The following ZNF407 variants were observed in gnomAD, a reference collection of about 807,000 sequenced individuals.
ZNF407 encodes zinc finger protein 407.
Under a neutral mutation model 131.2 loss-of-function variants are expected in ZNF407, and 17 were observed. The ratio of observed to expected loss-of-function variants is 0.13; its 90% confidence interval spans 0.09 to 0.19. The LOEUF is 0.19. ZNF407 is among the 10% of genes least tolerant of loss of function. ZNF407 has a pLI of 1.00. For missense variants in ZNF407, 2,681 were observed against 2,830.6 expected (o/e 0.95, Z 1.20); for synonymous variants, 1,156 against 1,062.0 (o/e 1.09, Z -1.72).
rs747845507 is a variant in ZNF407, at chr18:75,063,363, C to T, written c.5642C>T (p.Ser1881Leu). 30 of 1,611,812 alleles carry T rather than the reference C, an allele frequency of 1.9e-5. No individual in the cohort carries two copies. The highest frequency in any genetic ancestry group is 6.6e-5 in the South Asian group (6 of 90,992). ...GACGGGGAGTTTGCCCTGGACCCCT[C>T]GGTGGAGGAGACGGCCGCCGCCACG... Reference protein sequence around the residue: ...GYDGEFALDPSVEETAAATLQ... With the variant: ...GYDGEFALDPLVEETAAATLQ... The change falls in exon 9 of 9, where the codon TCG becomes TTG. Residue 1881 changes from serine to leucine, a missense_variant. Ser to Leu is a moderately radical substitution (Grantham distance 145). Coordinates refer to ENST00000299687, the MANE Select transcript of ZNF407 (RefSeq NM_017757.3). This position sits in a 1 kb window ranked among gnomAD's most constrained non-coding sequence, Gnocchi z 6.6.
In ZNF407 at chr18:74,643,394, T is replaced by C. The variant is rs529951199; in HGVS notation, c.4802+2272T>C. Among the ~76,000 whole-genome samples, 4 of 152,212 alleles carry C rather than the reference T, an allele frequency of 2.6e-5. No individual in the cohort carries two copies. The East Asian group carries it at 5.8e-4, about 22-fold the overall frequency. On this transcript the variant is annotated intron_variant, in intron 3 of 8. Transcript: ENST00000299687. Reference sequence around the variant, plus strand: ...CGATCTTTCAGGAACATTAACTCTATAATTTTGTCACAAACAGAAGGTCCT... The same window carrying C: ...CGATCTTTCAGGAACATTAACTCTACAATTTTGTCACAAACAGAAGGTCCT...
At chr18:74,676,467 C>A (rs573821103) in intron 3 of ZNF407, among the ~76,000 whole-genome samples, 1 of 131,698 alleles carries the variant, frequency 7.6e-6, no homozygotes, top group East Asian at 2.3e-4. Context: ...GACGGAGTCT[C>A]GCTCTGTCAC....
chr18:74,902,960 G>A (rs72979458), intron 7 of ZNF407, among the ~76,000 whole-genome samples: 14,747 of 152,176 alleles, frequency 0.097, 913 homozygotes, highest in Middle Eastern at 0.23. Context: ...CCTGCAGTAT[G>A]CCAGGTGTGG....
chr18:74,674,922 A>G (rs192447937), intron 3 of ZNF407, among the ~76,000 whole-genome samples: 2 of 152,286 alleles, frequency 1.3e-5, no homozygotes, highest in African/African-American at 4.8e-5. Context: ...TAATCACCAA[A>G]TGTATATCTC....
intron 8 of ZNF407, among the ~76,000 whole-genome samples, chr18:75,023,399 G>A (rs1973134683): frequency 6.6e-6 from 1 of 151,826 alleles, no homozygotes; most frequent in African/African-American, 2.4e-5. Context: ...ATTATAAACT[G>A]GTATTAGTGA....
chr18:74,640,964 GTAT>G (rs1171753549), intron 2 of ZNF407, 41 bp from the exon 3 acceptor site: 3 of 1,391,958 alleles, frequency 2.2e-6, no homozygotes, highest in African/African-American at 1.4e-5. Flanking sequence ...TATTGGTGAT[GTAT>G]TATTCAAAAT....
intron 8 of ZNF407, among the ~76,000 whole-genome samples, chr18:74,940,845 G>T (rs1972089809): frequency 1.3e-5 from 2 of 152,168 alleles, no homozygotes; most frequent in Admixed American, 1.3e-4. Flanking sequence ...TCACGCTACG[G>T]AACCCTGTAG....
chr18:74,826,394 C>A (rs1467380173), intron 4 of ZNF407, among the ~76,000 whole-genome samples: 1 of 152,176 alleles, frequency 6.6e-6, no homozygotes, highest in Admixed American at 6.5e-5. Context: ...ACATGTAATA[C>A]TCTTCTCAAG....
At chr18:74,939,490 C>T (rs1972073747) in intron 8 of ZNF407, among the ~76,000 whole-genome samples, 1 of 151,988 alleles carries the variant, frequency 6.6e-6, no homozygotes, top group Admixed American at 6.6e-5. Context: ...GTATAGAAAC[C>T]TCCTTTGATT....
intron 1 of ZNF407, among the ~76,000 whole-genome samples, chr18:74,606,086 C>G (rs979115820): frequency 6.6e-6 from 1 of 152,208 alleles, no homozygotes. Flanking sequence ...AGCGGCGGGC[C>G]TGGGCCTGGG....
intron 8 of ZNF407, among the ~76,000 whole-genome samples, chr18:74,984,883 C>G (rs1348883735): frequency 2.6e-5 from 4 of 152,194 alleles, no homozygotes; most frequent in African/African-American, 9.6e-5. Context: ...GGCTCTGATT[C>G]TGAATGTGCG....
Position 74,843,048 on chromosome 18 carries a change from G to C in ZNF407, c.4878-34149G>C, listed in dbSNP as rs377186329. Among the ~76,000 whole-genome samples the C allele has an allele frequency of 7.2e-5, 11 of 152,170 alleles. No homozygotes were observed. The East Asian group carries it at 2.1e-3, about 29-fold the overall frequency. ...GTTATTTAATACTAACTTTTCATGG[G>C]CTCTATAGATATAAGTATGTTTCTC... On this transcript the variant is annotated intron_variant, in intron 4 of 8. Transcript: ENST00000299687.
chr18:74,659,763 C>A, intron 3 of ZNF407, among the ~76,000 whole-genome samples: 1 of 152,058 alleles, frequency 6.6e-6, no homozygotes, highest in East Asian at 1.9e-4. Context: ...TTGAATTTGT[C>A]GTGAAAGTGT....
chr18:74,857,395 T>C (rs1443989941), intron 4 of ZNF407, among the ~76,000 whole-genome samples: 1 of 152,232 alleles, frequency 6.6e-6, no homozygotes, highest in Non-Finnish European at 1.5e-5. Flanking sequence ...GATGGTTAAC[T>C]TTCTGATAAA....
intron 3 of ZNF407, among the ~76,000 whole-genome samples, chr18:74,760,936 A>C (rs764875305): frequency 6.6e-6 from 1 of 152,136 alleles, no homozygotes; most frequent in Non-Finnish European, 1.5e-5. Flanking sequence ...GAGTTGGTAA[A>C]AAGTTGCTTT....
At chr18:74,943,404 G>A (rs985016816) in intron 8 of ZNF407, among the ~76,000 whole-genome samples, 1 of 152,128 alleles carries the variant, frequency 6.6e-6, no homozygotes, top group Non-Finnish European at 1.5e-5. Context: ...TGAGTTATTT[G>A]TCTGAATTGC....
chr18:74,791,503 C>G (rs952826173), intron 4 of ZNF407, among the ~76,000 whole-genome samples: 9 of 152,182 alleles, frequency 5.9e-5, no homozygotes, highest in Non-Finnish European at 1.2e-4. Flanking sequence ...GAGAAGCAAT[C>G]TCACCTTGGT....
chr18:74,669,123 C>T (rs1986042355), intron 3 of ZNF407, among the ~76,000 whole-genome samples: 1 of 152,158 alleles, frequency 6.6e-6, no homozygotes, highest in Non-Finnish European at 1.5e-5. Context: ...CGTCCTCATC[C>T]ACAGTTCTCA....
rs114073387 is a variant in ZNF407 at position 74,664,139 on chromosome 18, A to G, written c.4802+23017A>G. On this transcript the variant is annotated intron_variant, in intron 3 of 8. Coordinates refer to ENST00000299687, the MANE Select transcript of ZNF407 (RefSeq NM_017757.3). The stretch of plus-strand genomic sequence containing the variant: ...CCAGCTTTGGGGCCTGCAGCAGGCT[A>G]TACACTGCGTCTGTTCCAGTGAATA... Among the ~76,000 whole-genome samples, 1,430 of 152,290 alleles carry G rather than the reference A, an allele frequency of 9.4e-3. 22 individuals carry two copies. The highest frequency in any genetic ancestry group is 0.032 in the African/African-American group (1,323 of 41,562).
Sources: gnomAD v4.1 joint callset for allele counts (sites outside exome capture counted in the v4.1 genomes callset) on GRCh38, gnomAD v4.1.1 for gene constraint, Gnocchi (gnomAD v3.1) non-coding constraint, MANE v1.5 for transcripts, NCBI Gene and HGNC (gene_info 2026-07-23, HGNC 2026-07-21) for gene names.